ATG7: variants seen among roughly 807,000 people sequenced by gnomAD.
ATG7 encodes ubiquitin-like modifier-activating enzyme ATG7.
In ATG7, 70 loss-of-function variants were observed where a neutral mutation model predicts 82.4. That is an observed-to-expected ratio of 0.85 (90% CI 0.70 to 1.04). ATG7 has a LOEUF of 1.04. Ranked by LOEUF, ATG7 falls within the 50% of genes least tolerant of loss-of-function variation. The probability of loss-of-function intolerance (pLI) is 0.00; values close to 1 mark genes in which losing one functional copy is unlikely to be tolerated. For synonymous variants in ATG7, 287 were observed against 313.0 expected, an observed-to-expected ratio of 0.92 and a Z score of 0.88; for missense variants, 792 against 864.3, an observed-to-expected ratio of 0.92 and a Z score of 1.05.
intron 20 of ATG7, among the ~76,000 whole-genome samples, chr3:11,498,760 C>A (rs909456934): frequency 1.3e-5 from 2 of 152,242 alleles, no homozygotes; most frequent in African/African-American, 4.8e-5. Context: ...GCCCTTCATA[C>A]CACACAGGGG....
chr3:11,440,340 T>TTTG (rs1392492209), intron 20 of ATG7, among the ~76,000 whole-genome samples: 2 of 147,424 alleles, frequency 1.4e-5, no homozygotes, highest in Non-Finnish European at 3.0e-5. Context: ...TTTTTTTTTT[T>TTTG]TTGAGACGGA....
chr3:11,323,848 A>C (rs1171609831), intron 9 of ATG7, among the ~76,000 whole-genome samples: 2 of 152,164 alleles, frequency 1.3e-5, no homozygotes, highest in African/African-American at 4.8e-5. Flanking sequence ...TACTTTAAAA[A>C]CGTGTAATCT....
intron 9 of ATG7, among the ~76,000 whole-genome samples, chr3:11,317,120 G>A (rs1191872318): frequency 1.3e-5 from 2 of 152,132 alleles, no homozygotes; most frequent in Non-Finnish European, 2.9e-5. Context: ...GATTACAGGC[G>A]TGAGCCACCA....
chr3:11,568,817 G>A, the ATG7 span: 5 of 1,427,900 alleles, frequency 3.5e-6, no homozygotes, highest in East Asian at 5.2e-5. This position sits in a 1 kb window ranked among gnomAD's most constrained non-coding sequence, Gnocchi z 5.9. Flanking sequence ...GCATCCCCGC[G>A]AACACCCAAA....
chr3:11,502,280 T>C (rs2091390566), intron 20 of ATG7, among the ~76,000 whole-genome samples: 1 of 151,490 alleles, frequency 6.6e-6, no homozygotes, highest in East Asian at 1.9e-4. Context: ...TTGTGCAGGT[T>C]AGTTACATAC....
rs59538035 is a variant in ATG7, at chr3:11,403,335, C to CTTT, written c.1956+23293_1956+23295dup. 1.8e-3 allele frequency among the ~76,000 whole-genome samples: 259 copies of CTTT among 144,916 alleles called. 3 individuals carry two copies. Among genetic ancestry groups the CTTT allele is most frequent in the East Asian group, 8.1e-3 (40 of 4,938 alleles). On this transcript the variant is annotated intron_variant, in intron 19 of 20. Transcript: ENST00000693202. ...ATAATATAGATGTTTCAAGGGTTTT[C>CTTT]TTTTTTTTTTTTAATCTCTTAAGGG...
chr3:11,539,728 A>C (rs76439720), intron 20 of ATG7, among the ~76,000 whole-genome samples: 2,029 of 152,356 alleles, frequency 0.013, 27 homozygotes, highest in Non-Finnish European at 0.017. Flanking sequence ...TAAAAAATAA[A>C]ATCTATTGAT....
intron 20 of ATG7, among the ~76,000 whole-genome samples, chr3:11,475,994 C>T (rs1175503694): frequency 6.6e-6 from 1 of 151,862 alleles, no homozygotes; most frequent in Admixed American, 6.6e-5. Context: ...AAAATGAACC[C>T]CTGCTGTGAT....
chr3:11,519,596 G>C (rs1233863692), intron 20 of ATG7, among the ~76,000 whole-genome samples: 1 of 111,630 alleles, frequency 9.0e-6, no homozygotes, highest in African/African-American at 3.4e-5. Context: ...GTCTCTCTCT[G>C]TCGCCCAGGC....
intron 11 of ATG7, among the ~76,000 whole-genome samples, chr3:11,334,953 CAAAAAAAAAA>C (rs57211483): frequency 8.4e-6 from 1 of 119,614 alleles, no homozygotes; most frequent in Non-Finnish European, 1.7e-5. Flanking sequence ...GACTCTGTCT[CAAAAAAAAAA>C]AAAAAAAAAA....
At chr3:11,341,683 G>T (rs932324554) in intron 12 of ATG7, among the ~76,000 whole-genome samples, 15 of 151,976 alleles carry the variant, frequency 9.9e-5, no homozygotes, top group African/African-American at 3.6e-4. Flanking sequence ...CCTGACCTCA[G>T]GTGATCCGCC....
intron 20 of ATG7, among the ~76,000 whole-genome samples, chr3:11,540,923 G>GT (rs1232672622): frequency 1.6e-5 from 2 of 122,334 alleles, no homozygotes; most frequent in African/African-American, 5.8e-5. Context: ...GGGGAGGGGG[G>GT]GAGTCTTGCT....
intron 20 of ATG7, among the ~76,000 whole-genome samples, chr3:11,508,909 A>G (rs1295098017): frequency 6.6e-6 from 1 of 152,224 alleles, no homozygotes; most frequent in Non-Finnish European, 1.5e-5. Context: ...ATAACAAATT[A>G]ATAACAAATT....
At chr3:11,509,159 T>G (rs1281789330) in intron 20 of ATG7, among the ~76,000 whole-genome samples, 1 of 152,208 alleles carries the variant, frequency 6.6e-6, no homozygotes, top group Non-Finnish European at 1.5e-5. Context: ...CCAAGTTAGT[T>G]AAATAAATAA....
chr3:11,426,781 T>TA (rs761906012), intron 19 of ATG7, 23 bp from the exon 20 acceptor site: 7 of 1,544,418 alleles, frequency 4.5e-6, no homozygotes, highest in African/African-American at 2.8e-5. Flanking sequence ...GACTCCTTTT[T>TA]AAAAAATGTA....
chr3:11,445,086 G>T (rs1436652757), intron 20 of ATG7, among the ~76,000 whole-genome samples: 1 of 152,166 alleles, frequency 6.6e-6, no homozygotes, highest in Non-Finnish European at 1.5e-5. Context: ...AAAAAGGAAC[G>T]CTTATACACT....
intron 20 of ATG7, among the ~76,000 whole-genome samples, chr3:11,522,039 A>C (rs2092456936): frequency 6.6e-6 from 1 of 152,170 alleles, no homozygotes; most frequent in South Asian, 2.1e-4. Context: ...AGGGACACTA[A>C]GGGCCATAGA....
chr3:11,339,656 T>G (rs990458925), intron 11 of ATG7, among the ~76,000 whole-genome samples: 1 of 152,188 alleles, frequency 6.6e-6, no homozygotes, highest in Non-Finnish European at 1.5e-5. Context: ...GCAGGTGTGT[T>G]CTGCAAAGCA....
At chr3:11,372,837 CGTGCGT>C (rs2077114429) in intron 18 of ATG7, among the ~76,000 whole-genome samples, 2 of 90,538 alleles carry the variant, frequency 2.2e-5, no homozygotes, top group Middle Eastern at 5.4e-3. Flanking sequence ...CGTGTGTGTG[CGTGCGT>C]GCGTGTGCGT....
Sources: allele counts gnomAD v4.1 joint callset (sites outside exome capture counted in the v4.1 genomes callset), GRCh38; gene constraint gnomAD v4.1.1; non-coding constraint Gnocchi (gnomAD v3.1); transcripts MANE v1.5; gene names NCBI Gene and HGNC (gene_info 2026-07-23, HGNC 2026-07-21).